The following ERG variants were observed in gnomAD, a reference collection of about 807,000 sequenced individuals.
The protein encoded by ERG is ETS transcription factor ERG.
ERG carries 9 observed loss-of-function variants against 55.3 expected under a neutral mutation model. The observed-to-expected ratio is 0.16, with a 90% CI of 0.10 to 0.28. The LOEUF (loss-of-function observed/expected upper bound fraction) is 0.28, where lower values mean the gene tolerates loss of function less well. Ranked by LOEUF, ERG falls within the 10% of genes least tolerant of loss-of-function variation. The probability of loss-of-function intolerance (pLI) is 1.00; values close to 1 mark genes in which losing one functional copy is unlikely to be tolerated. For synonymous variants in ERG, 223 were observed against 237.3 expected, an observed-to-expected ratio of 0.94 and a Z score of 0.55; for missense variants, 434 against 631.6, an observed-to-expected ratio of 0.69 and a Z score of 3.35.
chr21:38,378,680 T>G (rs1987307047), downstream of ERG, among the ~76,000 whole-genome samples: 1 of 152,176 alleles, frequency 6.6e-6, no homozygotes, highest in Non-Finnish European at 1.5e-5. Context: ...CCTCTTTAAG[T>G]GTAGGCCCAG....
At chr21:38,465,463 T>C (rs6517468) in intron 1 of ERG, among the ~76,000 whole-genome samples, 3 of 151,970 alleles carry the variant, frequency 2.0e-5, no homozygotes, top group African/African-American at 7.3e-5. Flanking sequence ...TTCCGTATAA[T>C]CCTATAATGT....
chr21:38,471,762 A>G (rs2059141343), intron 1 of ERG: 1 of 152,256 alleles, frequency 6.6e-6, no homozygotes. Flanking sequence ...AAAAAAATGA[A>G]CATGAGTCAA....
intron 2 of ERG, among the ~76,000 whole-genome samples, chr21:38,569,826 C>A (rs939481001): frequency 1.3e-5 from 2 of 151,978 alleles, no homozygotes; most frequent in African/African-American, 4.8e-5. Context: ...TCTTTTTAAT[C>A]TTTATTTGTG....
At chr21:38,572,969 T>C (rs925030991) in intron 2 of ERG, among the ~76,000 whole-genome samples, 2 of 152,238 alleles carry the variant, frequency 1.3e-5, no homozygotes, top group Non-Finnish European at 2.9e-5. Flanking sequence ...TTTGCTGAGA[T>C]GTTGTTAATT....
chr21:38,637,193 C>T (rs879477888), intron 1 of ERG, among the ~76,000 whole-genome samples: 1 of 152,128 alleles, frequency 6.6e-6, no homozygotes, highest in Admixed American at 6.5e-5. Flanking sequence ...CTTCAGTCTC[C>T]TGAAATGTGT....
At chr21:38,511,572 T>A (rs1212431962) in intron 2 of ERG, among the ~76,000 whole-genome samples, 1 of 152,208 alleles carries the variant, frequency 6.6e-6, no homozygotes, top group African/African-American at 2.4e-5. Context: ...AAAGTATCAC[T>A]AGGAAAGAAA....
chr21:38,512,113 A>G (rs953628342), intron 2 of ERG, among the ~76,000 whole-genome samples: 1 of 152,232 alleles, frequency 6.6e-6, no homozygotes, highest in African/African-American at 2.4e-5. Flanking sequence ...GTACATATAC[A>G]AGAGTGTGTC....
intron 2 of ERG, among the ~76,000 whole-genome samples, chr21:38,527,523 G>A (rs1707357668): frequency 6.6e-6 from 1 of 152,186 alleles, no homozygotes; most frequent in Non-Finnish European, 1.5e-5. Context: ...CCAGAGTTTT[G>A]ACCGCAGCTG....
rs1007946832 is a variant in ERG at position 38,380,050 on chromosome 21, A to G, written c.*3353T>C. The G allele has an allele frequency of 5.5e-5, 56 of 1,014,192 alleles. No individual in the cohort carries two copies. The highest frequency in any genetic ancestry group is 4.7e-4 in the Middle Eastern group (1 of 2,120). 62.8% of individuals were successfully genotyped at this position (1,014,192 alleles called of 1,614,324 possible). A position where few individuals can be genotyped will look rare whatever the true frequency, so the allele number is the denominator to read the frequency against. ...AATTTGGTGTATTTTTGAGTAGTCCAAAGTAATTTTTATTCTCTAATTAGT... is the reference window on the plus strand; with the variant it reads ...AATTTGGTGTATTTTTGAGTAGTCCGAAGTAATTTTTATTCTCTAATTAGT... On this transcript the variant is annotated 3_prime_UTR_variant, in exon 10 of 10. Coordinates refer to ENST00000288319, the MANE Select transcript of ERG (RefSeq NM_182918.4).
At chr21:38,527,459 G>A (rs2059638145) in intron 2 of ERG, among the ~76,000 whole-genome samples, 1 of 152,186 alleles carries the variant, frequency 6.6e-6, no homozygotes, top group South Asian at 2.1e-4. Flanking sequence ...TGAACGCTGA[G>A]GAATGACGGG....
chr21:38,572,056 T>C (rs2059961143), intron 2 of ERG, among the ~76,000 whole-genome samples: 1 of 152,110 alleles, frequency 6.6e-6, no homozygotes, highest in African/African-American at 2.4e-5. Context: ...TCATGTGCCA[T>C]TTATAAGAAC....
At chr21:38,661,072 C>T (rs947185479) in intron 1 of ERG, among the ~76,000 whole-genome samples, 12 of 151,010 alleles carry the variant, frequency 7.9e-5, no homozygotes, top group African/African-American at 2.7e-4. Flanking sequence ...CTGGGACGGC[C>T]GGAGGAGAGA....
rs980071369 is a variant in ERG at position 38,381,597 on chromosome 21, T to C, written c.*1806A>G. ...TAAAGTGAGAAATTGCAGCTATCCATGACGCTTTATTTGCCAGTAATAATA... is the reference window on the plus strand; with the variant it reads ...TAAAGTGAGAAATTGCAGCTATCCACGACGCTTTATTTGCCAGTAATAATA... On this transcript the variant is annotated 3_prime_UTR_variant, in exon 10 of 10. Transcript: ENST00000288319. 1 of 1,063,076 alleles carries C rather than the reference T, an allele frequency of 9.4e-7. No homozygotes were observed. Among genetic ancestry groups the C allele is most frequent in the Admixed American group, 5.4e-5 (1 of 18,680 alleles). 65.9% of individuals were successfully genotyped at this position (1,063,076 alleles called of 1,614,324 possible).
chr21:38,444,800 G>C (rs1248171349), intron 2 of ERG, among the ~76,000 whole-genome samples: 1 of 151,760 alleles, frequency 6.6e-6, no homozygotes, highest in Non-Finnish European at 1.5e-5. Flanking sequence ...TGAGGGTGGA[G>C]GGCAGACAAT....
At chr21:38,561,364 G>A (rs777120632) in intron 2 of ERG, among the ~76,000 whole-genome samples, 4 of 151,974 alleles carry the variant, frequency 2.6e-5, no homozygotes, top group Non-Finnish European at 4.4e-5. Flanking sequence ...AAATTGGACA[G>A]GTAAGGAGAT....
chr21:38,390,906 G>C (rs768455562), intron 9 of ERG, 89 bp downstream of exon 9: 182 of 1,031,646 alleles, frequency 1.8e-4, no homozygotes, highest in Non-Finnish European at 2.7e-4. Context: ...TTCAGTTGAA[G>C]GAATTTCTCA....
chr21:38,562,773 AC>A (rs1173185867), intron 2 of ERG, among the ~76,000 whole-genome samples: 2 of 152,112 alleles, frequency 1.3e-5, no homozygotes, highest in East Asian at 3.9e-4. Context: ...GGACTGGCTG[AC>A]CTGGTATCCC....
chr21:38,558,192 G>T (rs1241088522), intron 2 of ERG, among the ~76,000 whole-genome samples: 1 of 151,876 alleles, frequency 6.6e-6, no homozygotes, highest in African/African-American at 2.4e-5. Flanking sequence ...TGATTTCAAG[G>T]GCACAGAAGA....
rs866124603 is a variant in ERG, at chr21:38,495,067, G to A, written c.18+3296C>T. Among the ~76,000 whole-genome samples the A allele has an allele frequency of 2.6e-4, 40 of 152,288 alleles. 1 individual carries two copies. In the Middle Eastern group the frequency reaches 0.01, roughly 39 times the overall value. ...TCCCCCTAAAGTAACAAGGACTGAC[G>A]CAATTCGTATTTCACTTAGCCAACA... is the stretch of plus-strand genomic sequence containing the variant. On this transcript the variant is annotated intron_variant, in intron 1 of 9. Coordinates refer to ENST00000288319, the MANE Select transcript of ERG (RefSeq NM_182918.4).
Sources: gnomAD v4.1 joint callset for allele counts (sites outside exome capture counted in the v4.1 genomes callset) on GRCh38, gnomAD v4.1.1 for gene constraint, MANE v1.5 for transcripts, NCBI Gene and HGNC (gene_info 2026-07-23, HGNC 2026-07-21) for gene names.